The following ACBD7 variants were observed in gnomAD, a reference collection of about 807,000 sequenced individuals.
ACBD7 encodes acyl-CoA binding domain containing 7, also known as acyl-CoA-binding domain-containing protein 7.
Under a neutral mutation model 13.7 loss-of-function variants are expected in ACBD7, and 11 were observed. The observed-to-expected ratio is 0.80, with a 90% confidence interval of 0.50 to 1.33. The LOEUF is 1.33. Ranked by LOEUF, ACBD7 falls within the 40% of genes most tolerant of loss-of-function variation. The pLI, the probability that ACBD7 is intolerant of heterozygous loss-of-function variation, is 0.00. For synonymous variants in ACBD7, 43 were observed against 37.7 expected (o/e 1.14, Z -0.51); for missense variants, 111 against 103.0 (o/e 1.08, Z -0.33).
At chr10:15,084,237 G>T (rs767098064) in intron 1 of ACBD7, among the ~76,000 whole-genome samples, 2 of 152,142 alleles carry the variant, frequency 1.3e-5, no homozygotes, top group Non-Finnish European at 2.9e-5. Flanking sequence ...TAATCACCTT[G>T]GCAGCACCCA....
intron 1 of ACBD7, 67 bp downstream of exon 1, chr10:15,088,650 G>A: frequency 6.4e-7 from 1 of 1,569,384 alleles, no homozygotes; most frequent in Non-Finnish European, 8.6e-7. Flanking sequence ...AAGCCCACCC[G>A]GAGCCCCACT....
intron 1 of ACBD7, among the ~76,000 whole-genome samples, chr10:15,082,693 G>A (rs746431156): frequency 3.9e-5 from 6 of 152,054 alleles, no homozygotes; most frequent in South Asian, 2.1e-4. Context: ...ACAGCAACTC[G>A]ACTCCTTTTG....
rs1227168513 is a variant in ACBD7 at position 15,076,085 on chromosome 10, T to A, written c.*2445A>T. 1 of 980,634 alleles carries A rather than the reference T, an allele frequency of 1.0e-6. No individual in the cohort carries two copies. Among genetic ancestry groups the A allele is most frequent in the Non-Finnish European group, 1.2e-6 (1 of 825,638 alleles). 60.7% of individuals were successfully genotyped at this position (980,634 alleles called of 1,614,324 possible). On this transcript the variant is annotated 3_prime_UTR_variant, in exon 4 of 4. Transcript: ENST00000356189. Reference sequence around the variant, plus strand: ...CTGCTCAGCATAATTCCCTGGAAATTCATCTAGCAGACCTAGATAGTTTTG... The same window carrying A: ...CTGCTCAGCATAATTCCCTGGAAATACATCTAGCAGACCTAGATAGTTTTG...
At chr10:15,080,173 A>G (rs1844733947) in intron 1 of ACBD7, among the ~76,000 whole-genome samples, 1 of 152,158 alleles carries the variant, frequency 6.6e-6, no homozygotes, top group Admixed American at 6.6e-5. Context: ...GATTTATTGC[A>G]ACTGATTTCT....
At chr10:15,088,682 G>A in intron 1 of ACBD7, 35 bp downstream of exon 1, 1 of 1,592,036 alleles carries the variant, frequency 6.3e-7, no homozygotes, top group South Asian at 1.1e-5. Flanking sequence ...CTCGCGGAGC[G>A]CCCCTCCCGC....
rs1564538515 is a variant in ACBD7, at chr10:15,076,355, TG to T, written c.*2174del. 1 of 985,132 alleles carries T rather than the reference TG, an allele frequency of 1.0e-6. No homozygotes were observed. Among genetic ancestry groups the T allele is most frequent in the Non-Finnish European group, 1.2e-6 (1 of 829,836 alleles). The allele number at this position is 985,132 out of a possible 1,614,324, so 61.0% of individuals were successfully genotyped here. A position where few individuals can be genotyped will look rare whatever the true frequency, so the allele number is the denominator to read the frequency against. ...TTTTACTCAGATAGAACTGAACATATGGGGTACAGTAGTGGTACAGTTTATC... is the reference window on the plus strand; with the variant it reads ...TTTTACTCAGATAGAACTGAACATATGGGTACAGTAGTGGTACAGTTTATC... On this transcript the variant is annotated 3_prime_UTR_variant, in exon 4 of 4. Coordinates refer to ENST00000356189, the MANE Select transcript of ACBD7 (RefSeq NM_001039844.3).
chr10:15,082,156 C>T (rs751946072), intron 1 of ACBD7, among the ~76,000 whole-genome samples: 10 of 152,030 alleles, frequency 6.6e-5, no homozygotes, highest in Admixed American at 1.3e-4. Context: ...CATAGTGGCA[C>T]ATGCCTGTAA....
At chr10:15,088,087 C>G (rs1844829935) in intron 1 of ACBD7, among the ~76,000 whole-genome samples, 1 of 151,840 alleles carries the variant, frequency 6.6e-6, no homozygotes, top group Non-Finnish European at 1.5e-5. Flanking sequence ...AGGAATAAAA[C>G]TATATACACA....
At chr10:15,083,422 G>A (rs1443497472) in intron 1 of ACBD7, among the ~76,000 whole-genome samples, 3 of 152,344 alleles carry the variant, frequency 2.0e-5, no homozygotes, top group Admixed American at 2.0e-4. Flanking sequence ...CCTCTAAGAT[G>A]CAGCTTCGGC....
At chr10:15,084,645 A>C (rs886995186) in intron 1 of ACBD7, among the ~76,000 whole-genome samples, 2 of 152,190 alleles carry the variant, frequency 1.3e-5, no homozygotes, top group African/African-American at 4.8e-5. Context: ...CTTGGTGTGC[A>C]TCCTATGTAA....
rs962179158 is a variant in ACBD7, at chr10:15,076,528, A to C, written c.*2002T>G. ...ATTTTTTTTTTTTTTTTTGAGACGG[A>C]GTCTTGTTTTGTCGCCCAGGCTGGA... On this transcript the variant is annotated 3_prime_UTR_variant, in exon 4 of 4. Transcript: ENST00000356189. The C allele has an allele frequency of 3.5e-6, 3 of 863,586 alleles. No homozygotes were observed. In the African/African-American group the frequency reaches 6.0e-5, roughly 17 times the overall value. 53.5% of individuals were successfully genotyped at this position (863,586 alleles called of 1,614,324 possible).
rs1463823132 is a variant in ACBD7, at chr10:15,077,410, G to A, written c.*1120C>T. On this transcript the variant is annotated 3_prime_UTR_variant, in exon 4 of 4. Transcript: ENST00000356189. ...ATACCACATGTTTTCACTTATAAGTGGGAGTTAAACAGGGTGTATACAGGG... is the reference window on the plus strand; with the variant it reads ...ATACCACATGTTTTCACTTATAAGTAGGAGTTAAACAGGGTGTATACAGGG... The A allele has an allele frequency of 6.6e-6, 1 of 152,108 alleles. No individual in the cohort carries two copies. The highest frequency in any genetic ancestry group is 1.5e-5 in the Non-Finnish European group (1 of 68,040). The allele number at this position is 152,108 out of a possible 1,614,324, so 9.4% of individuals were successfully genotyped here.
chr10:15,078,153 T>C lies in ACBD7; in HGVS notation c.*377A>G. On this transcript the variant is annotated 3_prime_UTR_variant, in exon 4 of 4. Transcript: ENST00000356189. ...TGTTCCCTTCCCTGTGTCCATGTGTTCTCATTGTTCAACTCCCACTTATGA... is the reference window on the plus strand; with the variant it reads ...TGTTCCCTTCCCTGTGTCCATGTGTCCTCATTGTTCAACTCCCACTTATGA... 1 of 232,924 alleles carries C rather than the reference T, an allele frequency of 4.3e-6. No individual in the cohort carries two copies. Among genetic ancestry groups the C allele is most frequent in the Non-Finnish European group, 8.2e-6 (1 of 122,170 alleles). 14.4% of individuals were successfully genotyped at this position (232,924 alleles called of 1,614,324 possible).
In ACBD7 at chr10:15,078,395, C is replaced by A; in HGVS notation, c.*135G>T. 2 of 1,543,936 alleles carry A rather than the reference C, an allele frequency of 1.3e-6. No individual in the cohort carries two copies. Among genetic ancestry groups the A allele is most frequent in the Non-Finnish European group, 8.7e-7 (1 of 1,152,208 alleles). ...TTAACTATGTAGTTTCAGTATACTT[C>A]TAAGTACTACAGCTCATGCTAATAG... On this transcript the variant is annotated 3_prime_UTR_variant, in exon 4 of 4. Coordinates refer to ENST00000356189, the MANE Select transcript of ACBD7 (RefSeq NM_001039844.3).
chr10:15,087,749 G>A (rs2131400471), intron 1 of ACBD7, among the ~76,000 whole-genome samples: 1 of 151,460 alleles, frequency 6.6e-6, no homozygotes, highest in Admixed American at 6.6e-5. Context: ...CTGCACTCCA[G>A]CCTGGGTGAC....
Position 15,078,978 on chromosome 10 carries a change from T to C in ACBD7, c.75A>G (p.Glu25=). 6.2e-7 allele frequency: 1 copy of C among 1,609,304 alleles called. No homozygotes were observed. The highest frequency in any genetic ancestry group is 1.7e-5 in the Admixed American group (1 of 59,468). The change falls in exon 2 of 4, where the codon GAA becomes GAG. Residue 25 remains glutamate (E), a synonymous_variant. Coordinates refer to ENST00000356189, the MANE Select transcript of ACBD7 (RefSeq NM_001039844.3). The part of the protein sequence containing the change: ...RKLKARPDDG[E]LKELYGLYKQ... ...TGTAAAGCCCATAGAGTTCTTTCAG[T>C]TCTCCATCATCTGGTCTTGCTTTCA...
intron 1 of ACBD7, among the ~76,000 whole-genome samples, chr10:15,084,391 A>G (rs1844785382): frequency 6.6e-6 from 1 of 152,198 alleles, no homozygotes; most frequent in South Asian, 2.1e-4. Flanking sequence ...ATATAGAGCC[A>G]TGGACATTGA....
intron 1 of ACBD7, among the ~76,000 whole-genome samples, chr10:15,081,838 G>A (rs145751791): frequency 3.9e-5 from 6 of 152,310 alleles, no homozygotes; most frequent in African/African-American, 1.2e-4. Flanking sequence ...AGTTCCCACA[G>A]GGGACTGAGA....
At chr10:15,087,012 T>C (rs1193699818) in intron 1 of ACBD7, among the ~76,000 whole-genome samples, 6 of 78,078 alleles carry the variant, frequency 7.7e-5, no homozygotes, top group Admixed American at 1.3e-4. Context: ...AAACTCCATC[T>C]CAAAAAAAAA....
Sources: gnomAD v4.1 joint callset for allele counts (sites outside exome capture counted in the v4.1 genomes callset) on GRCh38, gnomAD v4.1.1 for gene constraint, MANE v1.5 for transcripts, NCBI Gene and HGNC (gene_info 2026-07-23, HGNC 2026-07-21) for gene names.